Variants in NRXN1 observed in about 807,000 individuals in gnomAD.
NRXN1 encodes neurexin-1.
In NRXN1, 39 loss-of-function variants were observed where a neutral mutation model predicts 150.9. The ratio of observed to expected loss-of-function variants is 0.26; its 90% CI spans 0.20 to 0.34. The LOEUF (loss-of-function observed/expected upper bound fraction) is 0.34, where lower values mean the gene tolerates loss of function less well. NRXN1 is among the 10% of genes least tolerant of loss of function. NRXN1 has a pLI of 1.00. For missense variants in NRXN1, 1,815 were observed against 1,949.9 expected (o/e 0.93, Z 1.30); for synonymous variants, 924 against 757.0 (o/e 1.22, Z -3.62).
At chr2:50,122,123 A>T (rs1703943826) in intron 18 of NRXN1, among the ~76,000 whole-genome samples, 2 of 152,220 alleles carry the variant, frequency 1.3e-5, no homozygotes, top group Admixed American at 6.5e-5. Context: ...CAGCAGATAC[A>T]CTTGCTGTTT....
At chr2:49,932,430 G>A (rs1301444463) in intron 22 of NRXN1, among the ~76,000 whole-genome samples, 2 of 152,058 alleles carry the variant, frequency 1.3e-5, no homozygotes, top group Non-Finnish European at 2.9e-5. Flanking sequence ...AAATGCTGAA[G>A]TCATTCTTCT....
At chr2:50,261,669 A>T (rs908419312) in intron 17 of NRXN1, among the ~76,000 whole-genome samples, 1 of 151,898 alleles carries the variant, frequency 6.6e-6, no homozygotes, top group Non-Finnish European at 1.5e-5. Flanking sequence ...GATTCCTTTA[A>T]TTTTGAAAGA....
chr2:50,396,235 C>A (rs534778725), intron 17 of NRXN1, among the ~76,000 whole-genome samples: 4 of 152,230 alleles, frequency 2.6e-5, no homozygotes, highest in Non-Finnish European at 4.4e-5. Flanking sequence ...TTTTCAAGTG[C>A]CATTTAAAGT....
chr2:50,441,486 C>T (rs1239100486), intron 17 of NRXN1, among the ~76,000 whole-genome samples: 1 of 151,890 alleles, frequency 6.6e-6, no homozygotes, highest in Non-Finnish European at 1.5e-5. Context: ...TAAAATTCAC[C>T]CTATAATTTT....
intron 5 of NRXN1, among the ~76,000 whole-genome samples, chr2:50,881,007 T>C (rs1425346873): frequency 1.3e-5 from 2 of 151,964 alleles, no homozygotes; most frequent in Non-Finnish European, 2.9e-5. Flanking sequence ...AGACCAGATT[T>C]GGCAGCTAAT....
intron 13 of NRXN1, among the ~76,000 whole-genome samples, chr2:50,499,427 T>C (rs1183728849): frequency 6.6e-6 from 1 of 152,160 alleles, no homozygotes; most frequent in Non-Finnish European, 1.5e-5. Flanking sequence ...CCTGATTGTC[T>C]ATCTGATGCA....
At chr2:50,727,061 G>T (rs916368788) in intron 5 of NRXN1, among the ~76,000 whole-genome samples, 3 of 151,922 alleles carry the variant, frequency 2.0e-5, no homozygotes, top group African/African-American at 4.8e-5. Flanking sequence ...TTTGGAAGGG[G>T]TTAGAAAAAG....
intron 8 of NRXN1, among the ~76,000 whole-genome samples, chr2:50,572,216 T>C (rs1382540844): frequency 6.6e-6 from 1 of 152,152 alleles, no homozygotes; most frequent in Admixed American, 6.5e-5. Context: ...GGCATGCACA[T>C]ACTGTGCCCA....
intron 21 of NRXN1, among the ~76,000 whole-genome samples, chr2:49,992,206 G>A (rs372032990): frequency 3.9e-5 from 6 of 152,034 alleles, no homozygotes; most frequent in Admixed American, 6.6e-5. Flanking sequence ...GATGATCCAT[G>A]AGAGAAATAA....
Position 49,922,016 on chromosome 2 carries a change from C to G in NRXN1, c.4452G>C (p.Lys1484Asn). The change falls in exon 23 of 23, where the codon AAG becomes AAC. Residue 1484 changes from lysine to asparagine, a missense_variant. Physicochemically the swap from Lys to Asn is moderately conservative, Grantham distance 94. This residue lies in a region of NRXN1 where 265 missense variants were observed against 307.1 expected (regional missense o/e 0.86). Coordinates refer to ENST00000401669, the MANE Select transcript of NRXN1 (RefSeq NM_001330078.2). Reference protein sequence around the residue: ...NSAQSNGAVVKEKQPSSAKSS... With the variant: ...NSAQSNGAVVNEKQPSSAKSS... ...TTTTCGCACTGCTGGGTTGTTTCTC[C>G]TTTACAACAGCCCCATTGGACTGTG... 1 of 1,614,056 alleles carries G rather than the reference C, an allele frequency of 6.2e-7. No individual in the cohort carries two copies. The highest frequency in any genetic ancestry group is 8.5e-7 in the Non-Finnish European group (1 of 1,179,990).
intron 2 of NRXN1, among the ~76,000 whole-genome samples, chr2:50,963,747 T>C (rs534722064): frequency 6.6e-6 from 1 of 151,768 alleles, no homozygotes; most frequent in South Asian, 2.1e-4. Context: ...TTTAAGCAGA[T>C]TCCTCTATTC....
At chr2:50,147,743 C>G (rs1246933976) in intron 18 of NRXN1, among the ~76,000 whole-genome samples, 1 of 151,772 alleles carries the variant, frequency 6.6e-6, no homozygotes, top group East Asian at 1.9e-4. Context: ...ATAGTTAAAA[C>G]AAGTTTCTAA....
At chr2:50,411,048 C>T (rs1377658972) in intron 17 of NRXN1, among the ~76,000 whole-genome samples, 2 of 151,814 alleles carry the variant, frequency 1.3e-5, no homozygotes, top group African/African-American at 4.8e-5. Flanking sequence ...CTCTCCCCCT[C>T]CCCGTCCCTC....
intron 15 of NRXN1, among the ~76,000 whole-genome samples, chr2:50,490,722 C>A (rs1339716112): frequency 6.6e-6 from 1 of 151,984 alleles, no homozygotes. Context: ...GCACTGCTGT[C>A]ACGGTGGGGC....
intron 5 of NRXN1, among the ~76,000 whole-genome samples, chr2:50,853,977 C>A (rs1674899936): frequency 6.6e-6 from 1 of 151,966 alleles, no homozygotes; most frequent in East Asian, 1.9e-4. Flanking sequence ...CAAAATAATG[C>A]TTTTAATGAA....
chr2:50,750,435 GAGAAGAGAAA>G (rs984181161), intron 5 of NRXN1, among the ~76,000 whole-genome samples: 25 of 151,942 alleles, frequency 1.6e-4, no homozygotes, highest in African/African-American at 6.0e-4. Context: ...AAAAAAGGAA[GAGAAGAGAAA>G]AGAAGAGAAG....
chr2:50,858,419 G>GA (rs894511073), intron 5 of NRXN1, among the ~76,000 whole-genome samples: 12 of 150,618 alleles, frequency 8.0e-5, no homozygotes, highest in Non-Finnish European at 1.3e-4. Flanking sequence ...GCTTTTGTTG[G>GA]AAAAAAAAAT....
intron 12 of NRXN1, among the ~76,000 whole-genome samples, chr2:50,507,636 C>CAAAAAAAA (rs71404959): frequency 2.8e-5 from 3 of 107,502 alleles, no homozygotes; most frequent in Admixed American, 1.1e-4. Flanking sequence ...TCCGTCACCT[C>CAAAAAAAA]AAAAAAAAAA....
chr2:50,825,192 C>T (rs1257793838), intron 5 of NRXN1, among the ~76,000 whole-genome samples: 3 of 152,166 alleles, frequency 2.0e-5, no homozygotes. Context: ...ATAATTCCTG[C>T]TGTGATACTG....
Sources: allele counts gnomAD v4.1 joint callset (sites outside exome capture counted in the v4.1 genomes callset), GRCh38; gene constraint gnomAD v4.1.1; regional missense constraint gnomAD v4.1.1; transcripts MANE v1.5; gene names NCBI Gene and HGNC (gene_info 2026-07-23, HGNC 2026-07-21).